GHR: variants seen among roughly 807,000 people sequenced by gnomAD.
GHR encodes the protein GH receptor.
GHR carries 35 observed loss-of-function variants against 67.1 expected under a neutral mutation model. That is an observed-to-expected ratio of 0.52 (90% CI 0.40 to 0.69). The LOEUF is 0.69. GHR is among the 30% of genes least tolerant of loss of function. GHR has a pLI of 0.00. For missense variants in GHR, 792 were observed against 764.6 expected, an observed-to-expected ratio of 1.04 and a Z score of -0.42; for synonymous variants, 272 against 269.1, an observed-to-expected ratio of 1.01 and a Z score of -0.10.
intron 1 of GHR, among the ~76,000 whole-genome samples, chr5:42,427,393 A>G (rs1034118823): frequency 6.6e-6 from 1 of 152,228 alleles, no homozygotes; most frequent in African/African-American, 2.4e-5. Flanking sequence ...TGCCCTTTAT[A>G]GAACCATCAG....
chr5:42,586,618 G>T (rs1237439944), intron 2 of GHR, among the ~76,000 whole-genome samples: 1 of 152,176 alleles, frequency 6.6e-6, no homozygotes, highest in African/African-American at 2.4e-5. Flanking sequence ...GCTCAATTTT[G>T]TACAGGTGAC....
chr5:42,458,110 A>AT (rs1299609528), intron 1 of GHR, among the ~76,000 whole-genome samples: 1 of 152,172 alleles, frequency 6.6e-6, no homozygotes, highest in African/African-American at 2.4e-5. Flanking sequence ...ATCCATAGAG[A>AT]TTTTTCCACT....
chr5:42,534,953 G>A (rs1445062959), intron 1 of GHR, among the ~76,000 whole-genome samples: 1 of 151,776 alleles, frequency 6.6e-6, no homozygotes, highest in Non-Finnish European at 1.5e-5. Flanking sequence ...TTGGCCATTT[G>A]TATATCTTCT....
intron 2 of GHR, among the ~76,000 whole-genome samples, chr5:42,583,220 G>A (rs906676689): frequency 6.6e-6 from 1 of 152,194 alleles, no homozygotes; most frequent in Non-Finnish European, 1.5e-5. Context: ...TGAGTCTGAA[G>A]ATTAACCAGT....
intron 2 of GHR, among the ~76,000 whole-genome samples, chr5:42,625,517 G>A (rs1753656956): frequency 6.6e-6 from 1 of 152,060 alleles, no homozygotes. Context: ...GCCCTCAGGA[G>A]GTCCTGAGAA....
At chr5:42,625,447 C>G (rs4073475) in intron 2 of GHR, among the ~76,000 whole-genome samples, 48,102 of 151,902 alleles carry the variant, frequency 0.32, 8,287 homozygotes, top group African/African-American at 0.46. Context: ...GTCAAACTCT[C>G]TAAAATATTT....
In GHR at chr5:42,650,578, CATAT is replaced by C. The variant is rs35408817; in HGVS notation, c.136+21496_136+21499del. ...CCAATGTACTCACTTTTACAGATAACATATATATATATATATATATATATGTATG... is the reference window on the plus strand; with the variant it reads ...CCAATGTACTCACTTTTACAGATAACATATATATATATATATATATGTATG... On this transcript the variant is annotated intron_variant, in intron 3 of 9. Transcript: ENST00000230882. Among the ~76,000 whole-genome samples the C allele has an allele frequency of 1.4e-3, 183 of 129,066 alleles. 6 individuals are homozygous for C. The highest frequency in any genetic ancestry group is 5.1e-3 in the African/African-American group (168 of 32,976). The allele number at this position is 129,066 out of a possible 152,430, so 84.7% of individuals were successfully genotyped here.
rs562149539 is a variant in GHR, at chr5:42,648,146, T to C, written c.136+19043T>C. On this transcript the variant is annotated intron_variant, in intron 3 of 9. Coordinates refer to ENST00000230882, the MANE Select transcript of GHR (RefSeq NM_000163.5). ...TAAAAGCCATGTACCTCTTGAAGCC[T>C]GTTTCCTTTATTTCCAACACAGGAA... 1.2e-3 allele frequency among the ~76,000 whole-genome samples: 177 copies of C among 152,320 alleles called. 1 individual carries two copies. Among genetic ancestry groups the C allele is most frequent in the Non-Finnish European group, 1.9e-3 (130 of 68,016 alleles).
chr5:42,602,867 G>A (rs963794055), intron 2 of GHR, among the ~76,000 whole-genome samples: 9 of 152,134 alleles, frequency 5.9e-5, no homozygotes, highest in African/African-American at 2.2e-4. Context: ...AGTTATAGTT[G>A]TTTTAATACT....
chr5:42,583,866 T>C (rs182308211), intron 2 of GHR, among the ~76,000 whole-genome samples: 2 of 148,420 alleles, frequency 1.3e-5, no homozygotes, highest in East Asian at 2.0e-4. Context: ...GATATATATA[T>C]CTTTAAATAA....
chr5:42,504,834 C>G (rs1474609746), intron 1 of GHR, among the ~76,000 whole-genome samples: 2 of 152,174 alleles, frequency 1.3e-5, no homozygotes, highest in Non-Finnish European at 2.9e-5. Flanking sequence ...AAACCTCAAT[C>G]ATAGCACTTT....
At chr5:42,622,678 T>C (rs1450502922) in intron 2 of GHR, among the ~76,000 whole-genome samples, 1 of 152,194 alleles carries the variant, frequency 6.6e-6, no homozygotes, top group African/African-American at 2.4e-5. Context: ...TTTACTTGTG[T>C]TTGCACTGTC....
At chr5:42,516,639 C>A (rs1345687731) in intron 1 of GHR, among the ~76,000 whole-genome samples, 1 of 152,104 alleles carries the variant, frequency 6.6e-6, no homozygotes, top group Non-Finnish European at 1.5e-5. Flanking sequence ...AGAGAAAGTT[C>A]AAGAAGGAAA....
intron 1 of GHR, among the ~76,000 whole-genome samples, chr5:42,509,620 A>G (rs1746925553): frequency 6.6e-6 from 1 of 152,148 alleles, no homozygotes; most frequent in Non-Finnish European, 1.5e-5. Flanking sequence ...ACATTAGCTC[A>G]GCAATTTTCT....
intron 1 of GHR, among the ~76,000 whole-genome samples, chr5:42,511,524 TTGAA>T (rs768598334): frequency 6.6e-6 from 1 of 152,186 alleles, no homozygotes; most frequent in African/African-American, 2.4e-5. Context: ...TTACTAAATG[TTGAA>T]TGAATGAATG....
intron 3 of GHR, among the ~76,000 whole-genome samples, chr5:42,676,908 A>T (rs1756598986): frequency 6.6e-6 from 1 of 152,096 alleles, no homozygotes; most frequent in African/African-American, 2.4e-5. Flanking sequence ...TAGCTGGGTA[A>T]GGGGTTCCTT....
chr5:42,550,000 G>C (rs1411842121), intron 1 of GHR: 2 of 439,156 alleles, frequency 4.6e-6, no homozygotes, highest in African/African-American at 4.3e-5. Context: ...CAAGCGACCA[G>C]CCAGCTGGGG....
chr5:42,550,241 C>T (rs556387496), intron 1 of GHR: 20 of 174,770 alleles, frequency 1.1e-4, no homozygotes, highest in Non-Finnish European at 1.4e-4. Flanking sequence ...CCAGCTTGGC[C>T]GGCACCAGCT....
chr5:42,600,918 CTTTTTT>C (rs933355797), intron 2 of GHR, among the ~76,000 whole-genome samples: 12 of 66,692 alleles, frequency 1.8e-4, no homozygotes, highest in African/African-American at 6.3e-4. Flanking sequence ...TCTTTCTATT[CTTTTTT>C]TTTTTTTTTT....
Sources: allele counts gnomAD v4.1 joint callset (sites outside exome capture counted in the v4.1 genomes callset), GRCh38; gene constraint gnomAD v4.1.1; transcripts MANE v1.5; gene names NCBI Gene and HGNC (gene_info 2026-07-23, HGNC 2026-07-21).